Variants in LMX1A observed in about 807,000 individuals in gnomAD.
LMX1A encodes LIM homeobox transcription factor 1 alpha, also known as LIM homeobox transcription factor 1-alpha.
Under a neutral mutation model 49.1 loss-of-function variants are expected in LMX1A, and 15 were observed. The ratio of observed to expected loss-of-function variants is 0.31; its 90% CI spans 0.20 to 0.47. The LOEUF is 0.47. Ranked by LOEUF, LMX1A falls within the 20% of genes least tolerant of loss-of-function variation. The probability of loss-of-function intolerance (pLI) is 1.00; values close to 1 mark genes in which losing one functional copy is unlikely to be tolerated. For missense variants in LMX1A, 372 were observed against 475.8 expected, an observed-to-expected ratio of 0.78 and a Z score of 2.03; for synonymous variants, 167 against 185.7, an observed-to-expected ratio of 0.90 and a Z score of 0.82.
intron 3 of LMX1A, among the ~76,000 whole-genome samples, chr1:165,328,050 A>C (rs1416989199): frequency 3.9e-5 from 6 of 152,264 alleles, no homozygotes; most frequent in African/African-American, 1.4e-4. Flanking sequence ...GTGGGGAAAG[A>C]AAGAACAATG....
At chr1:165,210,965 C>A in intron 5 of LMX1A, 189 bp from the exon 6 acceptor site, 1 of 441,224 alleles carries the variant, frequency 2.3e-6, no homozygotes, top group South Asian at 6.4e-5. Flanking sequence ...AGTCCTTCAC[C>A]AGGTAAAGAA....
intron 3 of LMX1A, among the ~76,000 whole-genome samples, chr1:165,315,777 G>A (rs746195685): frequency 6.6e-5 from 10 of 152,290 alleles, no homozygotes; most frequent in South Asian, 6.2e-4. Flanking sequence ...CACATGTGAC[G>A]CATCAAATAC....
intron 3 of LMX1A, among the ~76,000 whole-genome samples, chr1:165,304,608 A>G (rs1654871707): frequency 6.6e-6 from 1 of 152,114 alleles, no homozygotes. Flanking sequence ...ACACAATGCA[A>G]ATCTTACCAT....
chr1:165,353,212 A>G lies in LMX1A; in HGVS notation c.127T>C (p.Leu43=), dbSNP rs781387708. ...TTGAGCCGCAGCAGAAACCTGTCCA[A>G]GATGACCCGCTGACAGCCCTCGCAG... ...SVCEGCQRVI[L]DRFLLRLNDS... Residue 43 remains leucine (L), a synonymous_variant, in exon 3 of 9, where the codon TTG becomes CTG. Transcript: ENST00000342310. 17 of 1,613,852 alleles carry G rather than the reference A, an allele frequency of 1.1e-5. No homozygotes were observed. The South Asian group carries it at 1.9e-4, about 18-fold the overall frequency.
intron 3 of LMX1A, among the ~76,000 whole-genome samples, chr1:165,319,118 T>C (rs1422462138): frequency 1.3e-5 from 2 of 151,998 alleles, no homozygotes; most frequent in Non-Finnish European, 2.9e-5. Flanking sequence ...GCCAACATTA[T>C]ATTTTAATCA....
At chr1:165,326,971 T>C (rs1442809270) in intron 3 of LMX1A, among the ~76,000 whole-genome samples, 1 of 152,142 alleles carries the variant, frequency 6.6e-6, no homozygotes, top group African/African-American at 2.4e-5. Context: ...AATAATCATA[T>C]GGCTTACAAT....
chr1:165,346,300 A>G (rs1656242720), intron 3 of LMX1A, among the ~76,000 whole-genome samples: 1 of 152,256 alleles, frequency 6.6e-6, no homozygotes, highest in South Asian at 2.1e-4. Flanking sequence ...ATTTGCTGTT[A>G]TCCAAAAATA....
chr1:165,234,230 C>A (rs1652346276), intron 4 of LMX1A, among the ~76,000 whole-genome samples: 1 of 152,200 alleles, frequency 6.6e-6, no homozygotes, highest in Admixed American at 6.5e-5. Flanking sequence ...CCCTACCCTG[C>A]AACTCAGTAC....
At chr1:165,230,933 A>T (rs1181205667) in intron 4 of LMX1A, among the ~76,000 whole-genome samples, 1 of 152,192 alleles carries the variant, frequency 6.6e-6, no homozygotes, top group Admixed American at 6.5e-5. Flanking sequence ...CCCACTGCCC[A>T]GGGAATGGGG....
intron 3 of LMX1A, among the ~76,000 whole-genome samples, chr1:165,309,303 T>C (rs1222008535): frequency 1.3e-5 from 2 of 152,208 alleles, no homozygotes; most frequent in Admixed American, 6.5e-5. Flanking sequence ...CATTTTCTGA[T>C]ACATGGGATC....
intron 4 of LMX1A, among the ~76,000 whole-genome samples, chr1:165,231,743 C>T (rs1042307256): frequency 1.3e-5 from 2 of 151,768 alleles, no homozygotes; most frequent in Admixed American, 1.3e-4. Context: ...CCTTTCTCCC[C>T]GATGTAAACT....
chr1:165,353,347 T>G, intron 2 of LMX1A, 85 bp from the exon 3 acceptor site: 1 of 1,087,252 alleles, frequency 9.2e-7, no homozygotes. Flanking sequence ...CCTGATCCCT[T>G]CACATCCACG....
At chr1:165,349,317 A>G (rs1035198801) in intron 3 of LMX1A, among the ~76,000 whole-genome samples, 6 of 152,408 alleles carry the variant, frequency 3.9e-5, no homozygotes, top group Middle Eastern at 3.4e-3. Context: ...ACCAGATCAT[A>G]GAGGACTCAG....
chr1:165,204,191 A>G, intron 8 of LMX1A, 151 bp from the exon 9 acceptor site: 1 of 742,478 alleles, frequency 1.3e-6, no homozygotes, highest in Non-Finnish European at 2.2e-6. Context: ...TAGGGGGCTC[A>G]AGTCCAAAGT....
intron 3 of LMX1A, among the ~76,000 whole-genome samples, chr1:165,297,976 A>G (rs2101721818): frequency 6.6e-6 from 1 of 152,382 alleles, no homozygotes; most frequent in South Asian, 2.1e-4. Context: ...TGTCACATTA[A>G]AAGTTAATTC....
At chr1:165,246,811 G>T (rs1194920441) in intron 4 of LMX1A, among the ~76,000 whole-genome samples, 1 of 152,086 alleles carries the variant, frequency 6.6e-6, no homozygotes, top group African/African-American at 2.4e-5. Context: ...CATCATTCTT[G>T]TCATTCATAT....
rs979422359 is a variant in LMX1A at position 165,355,550 on chromosome 1, C to T, written c.10G>A (p.Gly4Ser). 4 of 1,613,650 alleles carry T rather than the reference C, an allele frequency of 2.5e-6. No individual in the cohort carries two copies. The highest frequency in any genetic ancestry group is 3.4e-6 in the Non-Finnish European group (4 of 1,179,936). MLD[G>S]LKMEENFQSA... ...TGGAAGTTCTCCTCCATCTTTAGGC[C>T]GTCCAGCATGTTCGGGCCGGGCCGG... The change falls in exon 2 of 9, where the codon GGC (glycine) becomes AGC (serine). Residue 4 changes from glycine (G) to serine (S), a missense_variant. Gly to Ser is a moderately conservative substitution (Grantham distance 56). Coordinates refer to ENST00000342310, the MANE Select transcript of LMX1A (RefSeq NM_177398.4). This position sits in a 1 kb window ranked among gnomAD's most constrained non-coding sequence, Gnocchi z 4.7.
At chr1:165,255,921 C>T (rs567831883) in intron 3 of LMX1A, among the ~76,000 whole-genome samples, 2 of 151,176 alleles carry the variant, frequency 1.3e-5, no homozygotes, top group African/African-American at 4.9e-5. Flanking sequence ...TGCAGTGAGC[C>T]GAGATCACAC....
intron 4 of LMX1A, among the ~76,000 whole-genome samples, chr1:165,228,923 TG>T (rs1269995791): frequency 2.0e-4 from 30 of 152,146 alleles, no homozygotes; most frequent in African/African-American, 6.5e-4. Context: ...CTCTTCAATT[TG>T]TCTCCACTAT....
Sources: gnomAD v4.1 joint callset for allele counts (sites outside exome capture counted in the v4.1 genomes callset) on GRCh38, gnomAD v4.1.1 for gene constraint, Gnocchi (gnomAD v3.1) non-coding constraint, MANE v1.5 for transcripts, NCBI Gene and HGNC (gene_info 2026-07-23, HGNC 2026-07-21) for gene names.